Variants in SNX29 observed in about 807,000 individuals in gnomAD.
The protein encoded by SNX29 is sorting nexin-29.
SNX29 carries 78 observed loss-of-function variants against 102.1 expected under a neutral mutation model. The observed-to-expected ratio is 0.76, with a 90% CI of 0.64 to 0.92. SNX29 has a LOEUF of 0.92. SNX29 is among the 40% of genes least tolerant of loss of function. SNX29 has a pLI of 0.00. For missense variants in SNX29, 1,280 were observed against 1,061.7 expected, an observed-to-expected ratio of 1.21 and a Z score of -2.86; for synonymous variants, 580 against 414.5, an observed-to-expected ratio of 1.40 and a Z score of -4.85.
At chr16:12,407,841 A>G (rs1202967032) in intron 18 of SNX29, among the ~76,000 whole-genome samples, 1 of 152,228 alleles carries the variant, frequency 6.6e-6, no homozygotes, top group Non-Finnish European at 1.5e-5. Context: ...GCAGCTGTGC[A>G]TGATGGCATG....
chr16:12,127,347 A>T (rs1180807000), intron 12 of SNX29, among the ~76,000 whole-genome samples: 1 of 152,050 alleles, frequency 6.6e-6, no homozygotes, highest in African/African-American at 2.4e-5. Flanking sequence ...ACATCAACAC[A>T]GTCAATTTTA....
intron 15 of SNX29, among the ~76,000 whole-genome samples, chr16:12,280,192 C>G (rs929356369): frequency 6.6e-5 from 10 of 152,172 alleles, no homozygotes; most frequent in African/African-American, 2.4e-4. Flanking sequence ...AGAACAGAGG[C>G]TGAGTACAAG....
intron 3 of SNX29, among the ~76,000 whole-genome samples, chr16:12,021,881 G>C (rs1381512584): frequency 1.3e-5 from 2 of 150,182 alleles, no homozygotes; most frequent in African/African-American, 4.9e-5. Flanking sequence ...ACAGAGCGAG[G>C]CTCCATCTCA....
At chr16:12,447,905 G>A (rs2086135096) in intron 18 of SNX29, among the ~76,000 whole-genome samples, 1 of 152,118 alleles carries the variant, frequency 6.6e-6, no homozygotes. Flanking sequence ...AAGACACTAG[G>A]GAAGGGCTTT....
At chr16:12,379,047 G>A (rs1293472610) in intron 16 of SNX29, among the ~76,000 whole-genome samples, 1 of 152,152 alleles carries the variant, frequency 6.6e-6, no homozygotes, top group Admixed American at 6.5e-5. Context: ...TGGAAGGATG[G>A]TTTCCCAACA....
intron 19 of SNX29, among the ~76,000 whole-genome samples, chr16:12,482,580 G>A (rs374040177): frequency 1.3e-5 from 2 of 152,212 alleles, no homozygotes; most frequent in African/African-American, 4.8e-5. Flanking sequence ...GGGATTACAG[G>A]CATGAGCCAC....
chr16:12,065,201 A>G (rs2050975224), intron 9 of SNX29, among the ~76,000 whole-genome samples: 1 of 152,200 alleles, frequency 6.6e-6, no homozygotes, highest in South Asian at 2.1e-4. Context: ...ACAGCACCCC[A>G]GGTTGCAAGA....
At chr16:12,504,447 C>A (rs75222237) in intron 19 of SNX29, among the ~76,000 whole-genome samples, 3 of 152,152 alleles carry the variant, frequency 2.0e-5, no homozygotes, top group African/African-American at 7.2e-5. Context: ...ATCTGCTTTC[C>A]GTGTCTGTAG....
chr16:12,122,621 G>A (rs758617485), intron 11 of SNX29, among the ~76,000 whole-genome samples: 8 of 152,086 alleles, frequency 5.3e-5, no homozygotes, highest in Admixed American at 3.3e-4. Flanking sequence ...TCTAACCAAG[G>A]GGGAGCAAAG....
intron 18 of SNX29, among the ~76,000 whole-genome samples, chr16:12,472,546 A>AC (rs1266722765): frequency 1.5e-5 from 2 of 132,272 alleles, no homozygotes; most frequent in East Asian, 2.1e-4. Flanking sequence ...AAAAAAAACA[A>AC]AAAAAAAAAG....
chr16:12,261,179 G>T (rs1399560494), intron 14 of SNX29, among the ~76,000 whole-genome samples: 1 of 147,884 alleles, frequency 6.8e-6, no homozygotes, highest in African/African-American at 2.5e-5. Flanking sequence ...TGGAGTGAGT[G>T]TTTGCTGAGC....
intron 20 of SNX29, among the ~76,000 whole-genome samples, chr16:12,529,349 C>G (rs889558212): frequency 2.0e-5 from 3 of 152,168 alleles, no homozygotes; most frequent in African/African-American, 7.2e-5. Flanking sequence ...GGGGTGGTTA[C>G]TAAGAGACGT....
chr16:12,177,860 A>G (rs776874742), intron 13 of SNX29, among the ~76,000 whole-genome samples: 3 of 152,164 alleles, frequency 2.0e-5, no homozygotes, highest in African/African-American at 7.2e-5. Context: ...CGACAATCAG[A>G]TGAAATTCCC....
intron 16 of SNX29, chr16:12,372,700 A>G (rs990982837): frequency 6.6e-6 from 1 of 152,204 alleles, no homozygotes; most frequent in Non-Finnish European, 1.5e-5. Flanking sequence ...GAAGGTTTCA[A>G]AGAGGAGACG....
intron 20 of SNX29, among the ~76,000 whole-genome samples, chr16:12,542,973 C>G (rs1021619579): frequency 3.3e-5 from 5 of 152,122 alleles, no homozygotes; most frequent in Admixed American, 6.6e-5. Flanking sequence ...GAAGTACTTA[C>G]TACTCCTGTA....
intron 20 of SNX29, among the ~76,000 whole-genome samples, chr16:12,560,135 T>TCCCCCCCCCCC (rs57116555): frequency 7.4e-6 from 1 of 135,372 alleles, no homozygotes; most frequent in African/African-American, 2.8e-5. Context: ...TGTGTTCCCC[T>TCCCCCCCCCCC]CCCCCCCCCA....
At chr16:12,315,677 G>A (rs2080709191) in intron 15 of SNX29, among the ~76,000 whole-genome samples, 1 of 152,182 alleles carries the variant, frequency 6.6e-6, no homozygotes, top group Non-Finnish European at 1.5e-5. Context: ...CTTGATCTTG[G>A]ACTTTGCCCC....
intron 13 of SNX29, among the ~76,000 whole-genome samples, chr16:12,190,836 G>A (rs898132838): frequency 1.3e-5 from 2 of 151,958 alleles, no homozygotes; most frequent in African/African-American, 2.4e-5. Flanking sequence ...GGTAGAACCC[G>A]GGAGGAGCCT....
chr16:12,161,151 C>T (rs530736318), intron 13 of SNX29, among the ~76,000 whole-genome samples: 16 of 152,322 alleles, frequency 1.1e-4, no homozygotes, highest in South Asian at 2.1e-4. Context: ...TCACGTTCTG[C>T]GGTTGATAAT....
Sources: gnomAD v4.1 joint callset for allele counts (sites outside exome capture counted in the v4.1 genomes callset) on GRCh38, gnomAD v4.1.1 for gene constraint, MANE v1.5 for transcripts, NCBI Gene and HGNC (gene_info 2026-07-23, HGNC 2026-07-21) for gene names.